The following JUP variants were observed in gnomAD, a reference collection of about 807,000 sequenced individuals.
The protein encoded by JUP is junction plakoglobin, also known as catenin (cadherin-associated protein), gamma 80kDa.
JUP carries 28 observed loss-of-function variants against 71.1 expected under a neutral mutation model. The observed-to-expected ratio is 0.39, with a 90% CI of 0.29 to 0.54. JUP has a LOEUF of 0.54. Ranked by LOEUF, JUP falls within the 20% of genes least tolerant of loss-of-function variation. JUP has a pLI of 0.62. For missense variants in JUP, 869 were observed against 1,030.1 expected, an observed-to-expected ratio of 0.84 and a Z score of 2.14; for synonymous variants, 401 against 438.9, an observed-to-expected ratio of 0.91 and a Z score of 1.08.
At chr17:41,762,679 G>C (rs1555601857) in intron 8 of JUP, among the ~76,000 whole-genome samples, 1 of 152,114 alleles carries the variant, frequency 6.6e-6, no homozygotes, top group Non-Finnish European at 1.5e-5. Context: ...GGGATTACAG[G>C]CATGAGCCAC....
chr17:41,756,154 A>G, intron 13 of JUP, 21 bp downstream of exon 13: 1 of 1,611,658 alleles, frequency 6.2e-7, no homozygotes, highest in Non-Finnish European at 8.5e-7. Context: ...CAGGGTCCTG[A>G]AGAGCCCGGC....
At position 41,757,752 on chromosome 17, in the gene JUP, G is replaced by A. The variant is rs781934535; in HGVS notation, c.1806C>T (p.Arg602=). 1.6e-5 allele frequency: 26 copies of A among 1,612,174 alleles called. No individual in the cohort carries two copies. The highest frequency in any genetic ancestry group is 6.6e-5 in the South Asian group (6 of 90,858). The part of the protein sequence containing the change: ...LLYSSVENIQ[R]VAAGVLCELA... ...GCTCACACAGCACCCCGGCAGCCAC[G>A]CGCTGGATGTTCTCCACCGACGAGT... Residue 602 remains arginine, a synonymous_variant, in exon 11 of 14, where the codon CGC becomes CGT. Coordinates refer to ENST00000393931, the MANE Select transcript of JUP (RefSeq NM_002230.4).
At position 41,764,534 on chromosome 17, in the gene JUP, G is replaced by GGAAAAAA. The variant is rs60346985; in HGVS notation, c.1158+178_1158+179insTTTTTTC. On this transcript the variant is annotated intron_variant, in intron 7 of 13. Transcript: ENST00000393931. ...TAGGTGACAGAGTGAGACTCCGTCA[G>GGAAAAAA]AAAAAAAAAAAAAAAAAAAAAAAGA... Among the ~76,000 whole-genome samples the GGAAAAAA allele has an allele frequency of 3.9e-4, 33 of 83,900 alleles. 5 individuals are homozygous for GGAAAAAA. The highest frequency in any genetic ancestry group is 7.2e-4 in the African/African-American group (12 of 16,762). 55.0% of individuals were successfully genotyped at this position (83,900 alleles called of 152,430 possible). A position where few individuals can be genotyped will look rare whatever the true frequency, so the allele number is the denominator to read the frequency against.
At chr17:41,769,991 G>A (rs111891386) in intron 2 of JUP, among the ~76,000 whole-genome samples, 6 of 150,436 alleles carry the variant, frequency 4.0e-5, no homozygotes, top group African/African-American at 7.4e-5. Context: ...ACCTGACAAC[G>A]ACCCTGCAAG....
Position 41,767,586 on chromosome 17 carries a change from G to A in JUP, c.708-6C>T, listed in dbSNP as rs782704213. 9.5e-6 allele frequency: 15 copies of A among 1,581,556 alleles called. No homozygotes were observed. The highest frequency in any genetic ancestry group is 8.7e-6 in the Non-Finnish European group (10 of 1,153,708). ...GGACCGACTCCACAGGGGAGCTGGG[G>A]GGGTGGGCAGGGGTTAGTACGCTGA... is the stretch of plus-strand genomic sequence containing the variant. On this transcript the variant is annotated splice_region_variant and splice_polypyrimidine_tract_variant and intron_variant, in intron 4 of 13. Coordinates refer to ENST00000393931, the MANE Select transcript of JUP (RefSeq NM_002230.4).
Position 41,771,704 on chromosome 17 carries a change from G to T in JUP, c.151C>A (p.Arg51Ser). Residue 51 changes from arginine to serine, a missense_variant, in exon 2 of 14, where the codon CGC becomes AGC. Physicochemically the swap from Arg to Ser is moderately radical, Grantham distance 110 (BLOSUM62 -1). Coordinates refer to ENST00000393931, the MANE Select transcript of JUP (RefSeq NM_002230.4). ...GTGGTTTTCTTGAGCGTGTACTGGC[G>T]CCCGCAGGCCTCATCCTCCTCCATG... ...GIMEEDEACG[R>S]QYTLKKTTTY... 14 of 1,614,088 alleles carry T rather than the reference G, an allele frequency of 8.7e-6. No individual in the cohort carries two copies. The highest frequency in any genetic ancestry group is 1.2e-5 in the Non-Finnish European group (14 of 1,180,026).
At chr17:41,765,525 T>C (rs1469032342) in intron 5 of JUP, among the ~76,000 whole-genome samples, 1 of 152,030 alleles carries the variant, frequency 6.6e-6, no homozygotes, top group African/African-American at 2.4e-5. Context: ...CTAATTTCTG[T>C]AGTTTTTGGT....
chr17:41,769,460 G>C lies in JUP; in HGVS notation c.426C>G (p.Arg142=). Residue 142 remains arginine, a synonymous_variant, in exon 3 of 14, where the codon CGC becomes CGG. Coordinates refer to ENST00000393931, the MANE Select transcript of JUP (RefSeq NM_002230.4). The part of the protein sequence containing the change: ...NYQDDAELAT[R]ALPELTKLLN... Reference sequence around the variant, plus strand: ...GCAGTTTGGTGAGCTCGGGCAGGGCGCGAGTGGCCAGCTCGGCATCGTCCT... The same window carrying C: ...GCAGTTTGGTGAGCTCGGGCAGGGCCCGAGTGGCCAGCTCGGCATCGTCCT... 7 of 1,613,028 alleles carry C rather than the reference G, an allele frequency of 4.3e-6. No individual in the cohort carries two copies. Among genetic ancestry groups the C allele is most frequent in the Non-Finnish European group, 5.1e-6 (6 of 1,179,700 alleles).
At chr17:41,764,272 C>A (rs148331750) in intron 7 of JUP, among the ~76,000 whole-genome samples, 58 of 152,302 alleles carry the variant, frequency 3.8e-4, no homozygotes, top group Middle Eastern at 3.4e-3. Context: ...TGGTGGCTCA[C>A]GCCTGTAATC....
Position 41,757,520 on chromosome 17 carries a change from G to A in JUP, c.1941C>T (p.Ala647=), listed in dbSNP as rs368865601. ...TGTCCTCGGAGATGCGGAACAGGAC[G>A]GCAGCAGCGTAGGTGGCTGAGCAGA... ...RNEGTATYAA[A]VLFRISEDKN... is the part of the protein sequence containing the mutation. Residue 647 remains alanine (A), a synonymous_variant, in exon 12 of 14, where the codon GCC becomes GCT. Coordinates refer to ENST00000393931, the MANE Select transcript of JUP (RefSeq NM_002230.4). 1.2e-4 allele frequency: 199 copies of A among 1,614,198 alleles called. No individual in the cohort carries two copies. The highest frequency in any genetic ancestry group is 4.7e-5 in the Non-Finnish European group (56 of 1,180,028).
chr17:41,762,501 C>T (rs1383232118), intron 8 of JUP, among the ~76,000 whole-genome samples: 13 of 152,080 alleles, frequency 8.5e-5, no homozygotes, highest in Admixed American at 7.2e-4. Flanking sequence ...AGCGATCCTC[C>T]GACCTGAGCC....
At chr17:41,785,417 A>T (rs528200469) in intron 1 of JUP, among the ~76,000 whole-genome samples, 1 of 152,102 alleles carries the variant, frequency 6.6e-6, no homozygotes, top group African/African-American at 2.4e-5. Flanking sequence ...GCAGGAAGAG[A>T]AGGAAGAAGC....
rs887391011 is a variant in JUP, at chr17:41,783,653, G to A, written c.-9+2935C>T. ...TGCTTGGTTTGGGCCAGGTGAGGTGGCTCACGCCTGTAATCCCAGCACTTT... is the reference window on the plus strand; with the variant it reads ...TGCTTGGTTTGGGCCAGGTGAGGTGACTCACGCCTGTAATCCCAGCACTTT... On this transcript the variant is annotated intron_variant, in intron 1 of 13. Coordinates refer to ENST00000393931, the MANE Select transcript of JUP (RefSeq NM_002230.4). Among the ~76,000 whole-genome samples the A allele has an allele frequency of 2.6e-5, 4 of 151,820 alleles. No individual in the cohort carries two copies. The East Asian group carries it at 5.9e-4, about 22-fold the overall frequency.
intron 12 of JUP, among the ~76,000 whole-genome samples, chr17:41,756,578 G>A (rs1001537397): frequency 6.7e-6 from 1 of 148,188 alleles, no homozygotes; most frequent in Non-Finnish European, 1.5e-5. Context: ...CAGCCTGGGC[G>A]ACAGGAGTGA....
intron 1 of JUP, among the ~76,000 whole-genome samples, chr17:41,781,169 A>T (rs1300928194): frequency 4.2e-5 from 6 of 143,512 alleles, no homozygotes; most frequent in African/African-American, 1.6e-4. Flanking sequence ...CGACAGAGTG[A>T]GTGAGACTCC....
intron 1 of JUP, among the ~76,000 whole-genome samples, chr17:41,773,764 C>T (rs1169319187): frequency 2.6e-5 from 4 of 152,138 alleles, no homozygotes; most frequent in African/African-American, 9.7e-5. Context: ...CGTGCTGTGC[C>T]GCCTTCCCCA....
intron 8 of JUP, among the ~76,000 whole-genome samples, chr17:41,762,121 G>C (rs1271634076): frequency 4.2e-5 from 2 of 47,820 alleles, no homozygotes; most frequent in Non-Finnish European, 7.9e-5. Context: ...CCTGCAGAGA[G>C]ACAGAGAGAG....
In JUP at chr17:41,755,573, C is replaced by T; in HGVS notation, c.*171G>A. 1 of 592,186 alleles carries T rather than the reference C, an allele frequency of 1.7e-6. No homozygotes were observed. Among genetic ancestry groups the T allele is most frequent in the Non-Finnish European group, 2.7e-6 (1 of 369,496 alleles). The allele number at this position is 592,186 out of a possible 1,614,324, so 36.7% of individuals were successfully genotyped here. On this transcript the variant is annotated 3_prime_UTR_variant, in exon 14 of 14. Transcript: ENST00000393931. Reference sequence around the variant, plus strand: ...GGCCTCCCCATCCCCACCAAAGACACAAGAAGAAGGCAGGCCAGGGCACAC... The same window carrying T: ...GGCCTCCCCATCCCCACCAAAGACATAAGAAGAAGGCAGGCCAGGGCACAC...
chr17:41,769,333 C>T (rs938486265), intron 3 of JUP, 85 bp downstream of exon 3: 19 of 1,570,660 alleles, frequency 1.2e-5, no homozygotes, highest in Non-Finnish European at 1.6e-5. Flanking sequence ...TAACCTCCCT[C>T]CACCCCTACA....
Sources: allele counts gnomAD v4.1 joint callset (sites outside exome capture counted in the v4.1 genomes callset), GRCh38; gene constraint gnomAD v4.1.1; transcripts MANE v1.5; gene names NCBI Gene and HGNC (gene_info 2026-07-23, HGNC 2026-07-21).